RALA: variants seen among roughly 807,000 people sequenced by gnomAD.
RALA encodes ras-related protein Ral-A.
RALA carries 5 observed loss-of-function variants against 24.0 expected under a neutral mutation model. That is an observed-to-expected ratio of 0.21 (90% CI 0.11 to 0.44). RALA has a LOEUF of 0.44. Ranked by LOEUF, RALA falls within the 20% of genes least tolerant of loss-of-function variation. The pLI is 0.99. For synonymous variants in RALA, 77 were observed against 83.8 expected (o/e 0.92, Z 0.44); for missense variants, 95 against 241.2 (o/e 0.39, Z 4.01).
At chr7:39,675,516 G>C (rs1276407991) in intron 1 of RALA, among the ~76,000 whole-genome samples, 1 of 151,982 alleles carries the variant, frequency 6.6e-6, no homozygotes, top group Admixed American at 6.5e-5. Flanking sequence ...AGGATCGCTC[G>C]AGCCCAGGCG....
intron 1 of RALA, among the ~76,000 whole-genome samples, chr7:39,658,670 T>A (rs1377587081): frequency 1.3e-5 from 2 of 152,164 alleles, no homozygotes; most frequent in East Asian, 3.9e-4. Context: ...ATGCATTTTT[T>A]AAAAACCTGA....
chr7:39,698,803 A>T (rs1792965698), intron 4 of RALA, among the ~76,000 whole-genome samples: 1 of 152,154 alleles, frequency 6.6e-6, no homozygotes, highest in African/African-American at 2.4e-5. Context: ...CTGTATTAGC[A>T]CAGCTCTTAC....
chr7:39,684,736 A>G (rs938168533), intron 1 of RALA, among the ~76,000 whole-genome samples: 4 of 152,014 alleles, frequency 2.6e-5, no homozygotes, highest in Admixed American at 2.6e-4. Context: ...AAAGAAAAAA[A>G]AAAGTTGCAT....
chr7:39,634,836 C>T (rs779454054), intron 1 of RALA, among the ~76,000 whole-genome samples: 2 of 152,036 alleles, frequency 1.3e-5, no homozygotes, highest in Non-Finnish European at 2.9e-5. Context: ...TTGTTTTGAT[C>T]CAGTTCATAA....
chr7:39,624,737 G>A lies in RALA; in HGVS notation c.-38+912G>A, dbSNP rs180778193. On this transcript the variant is annotated intron_variant, in intron 1 of 4. Coordinates refer to ENST00000005257, the MANE Select transcript of RALA (RefSeq NM_005402.4). ...CACGCCCTACGTGTCAAGCTGAAAA[G>A]CACCTAATTTACAAATTGTGTGGTG... 2.3e-3 allele frequency among the ~76,000 whole-genome samples: 343 copies of A among 152,266 alleles called. 1 individual carries two copies. Among genetic ancestry groups the A allele is most frequent in the Middle Eastern group, 0.017 (5 of 294 alleles).
chr7:39,681,222 T>C, intron 1 of RALA, among the ~76,000 whole-genome samples: 1 of 151,804 alleles, frequency 6.6e-6, no homozygotes, highest in East Asian at 1.9e-4. Context: ...CCCATTATGA[T>C]TGCATTTCTC....
chr7:39,640,219 T>G (rs973093418), intron 1 of RALA, among the ~76,000 whole-genome samples: 3 of 152,168 alleles, frequency 2.0e-5, no homozygotes, highest in African/African-American at 7.2e-5. Flanking sequence ...CTAATTTTTG[T>G]AGAAACGGGA....
chr7:39,638,918 T>C (rs372551643), intron 1 of RALA, among the ~76,000 whole-genome samples: 1 of 152,244 alleles, frequency 6.6e-6, no homozygotes, highest in Non-Finnish European at 1.5e-5. Flanking sequence ...GGTACATTTA[T>C]GTTTAACCTC....
chr7:39,640,311 A>C (rs1791790413), intron 1 of RALA, among the ~76,000 whole-genome samples: 1 of 152,240 alleles, frequency 6.6e-6, no homozygotes, highest in Admixed American at 6.5e-5. Flanking sequence ...TGCTGGGATT[A>C]CAGGCATGAG....
intron 1 of RALA, among the ~76,000 whole-genome samples, chr7:39,665,269 A>G (rs1016702659): frequency 6.6e-6 from 1 of 152,002 alleles, no homozygotes; most frequent in Non-Finnish European, 1.5e-5. Context: ...CTTTATGATG[A>G]TCCACTTTCA....
At chr7:39,689,049 A>G (rs1036949570) in intron 2 of RALA, among the ~76,000 whole-genome samples, 1 of 152,186 alleles carries the variant, frequency 6.6e-6, no homozygotes, top group Admixed American at 6.5e-5. Flanking sequence ...AGAACTCACA[A>G]TCTTGAGAAC....
At chr7:39,691,397 A>G (rs1583753254) in intron 3 of RALA, among the ~76,000 whole-genome samples, 1 of 152,186 alleles carries the variant, frequency 6.6e-6, no homozygotes. Flanking sequence ...TGTATCCTCT[A>G]TTTTCAAGAT....
chr7:39,673,350 T>C (rs1453317797), intron 1 of RALA, among the ~76,000 whole-genome samples: 1 of 152,176 alleles, frequency 6.6e-6, no homozygotes, highest in Non-Finnish European at 1.5e-5. Context: ...TTTTTTACTG[T>C]CAGAGTTTTG....
intron 1 of RALA, among the ~76,000 whole-genome samples, chr7:39,684,725 AAAAG>A (rs1792668009): frequency 6.6e-6 from 1 of 151,544 alleles, no homozygotes; most frequent in South Asian, 2.1e-4. Context: ...AAAAAAAAAA[AAAAG>A]AAAAAAAAAA....
intron 1 of RALA, among the ~76,000 whole-genome samples, chr7:39,641,181 T>C (rs1446088109): frequency 6.6e-6 from 1 of 152,194 alleles, no homozygotes; most frequent in Non-Finnish European, 1.5e-5. Context: ...ATATGTCTAC[T>C]TCTTTGTGGG....
At chr7:39,628,599 G>A (rs572699468) in intron 1 of RALA, among the ~76,000 whole-genome samples, 22 of 152,148 alleles carry the variant, frequency 1.4e-4, no homozygotes, top group African/African-American at 5.1e-4. Context: ...TCTTTCACCC[G>A]TGCTGGAGTG....
At chr7:39,686,539 A>G in intron 1 of RALA, 92 bp from the exon 2 acceptor site, 1 of 670,344 alleles carries the variant, frequency 1.5e-6, no homozygotes, top group Non-Finnish European at 2.6e-6. Context: ...ATTGAAAACT[A>G]GTATATTGAA....
chr7:39,627,793 C>G (rs1791519433), intron 1 of RALA, among the ~76,000 whole-genome samples: 1 of 152,156 alleles, frequency 6.6e-6, no homozygotes, highest in African/African-American at 2.4e-5. Flanking sequence ...TGGTTGGAAC[C>G]CATCTGATAC....
intron 3 of RALA, among the ~76,000 whole-genome samples, chr7:39,696,103 C>G (rs1792915426): frequency 6.6e-6 from 1 of 152,160 alleles, no homozygotes; most frequent in Non-Finnish European, 1.5e-5. Context: ...AACCATGGTA[C>G]TTTAAAATTG....
Sources: allele counts gnomAD v4.1 joint callset (sites outside exome capture counted in the v4.1 genomes callset), GRCh38; gene constraint gnomAD v4.1.1; transcripts MANE v1.5; gene names NCBI Gene and HGNC (gene_info 2026-07-23, HGNC 2026-07-21).